ANO3: variants seen among roughly 807,000 people sequenced by gnomAD.
The protein encoded by ANO3 is anoctamin 3.
Under a neutral mutation model 144.8 loss-of-function variants are expected in ANO3, and 99 were observed. That is an observed-to-expected ratio of 0.68 (90% CI 0.58 to 0.81). The LOEUF is 0.81. ANO3 is among the 30% of genes least tolerant of loss of function. The probability of loss-of-function intolerance (pLI) is 0.00; values close to 1 mark genes in which losing one functional copy is unlikely to be tolerated. For synonymous variants in ANO3, 414 were observed against 392.6 expected (o/e 1.05, Z -0.64); for missense variants, 905 against 1,202.2 (o/e 0.75, Z 3.66).
At chr11:26,398,200 C>A (rs1857065813) in intron 1 of ANO3, among the ~76,000 whole-genome samples, 1 of 151,930 alleles carries the variant, frequency 6.6e-6, no homozygotes, top group African/African-American at 2.4e-5. Flanking sequence ...ACTCATGGTC[C>A]ATTTGATTTT....
chr11:26,449,617 G>A (rs1197384719), intron 3 of ANO3, among the ~76,000 whole-genome samples: 3 of 151,920 alleles, frequency 2.0e-5, no homozygotes, highest in Non-Finnish European at 2.9e-5. Context: ...CTAGTTATGA[G>A]TTAGTGCTTT....
chr11:26,660,439 C>G lies in ANO3; in HGVS notation c.2941C>G (p.Pro981Ala). ...TGGTCAGCCTGTTCACCATGAATGG[C>G]CTTAGTTGACACCTGTTACCCATTA... The part of the protein sequence containing the change: ...KSGQPVHHEW[P>A] Residue 981 changes from proline to alanine, a missense_variant, in exon 27 of 27, where the codon CCT becomes GCT. Physicochemically the swap from Pro to Ala is conservative, Grantham distance 27. This residue lies in a region of ANO3 where 597 missense variants were observed against 865.1 expected (regional missense o/e 0.69). Transcript: ENST00000256737. 6.2e-7 allele frequency: 1 copy of G among 1,610,870 alleles called. No individual in the cohort carries two copies.
intron 3 of ANO3, among the ~76,000 whole-genome samples, chr11:26,446,414 T>A (rs993007778): frequency 2.0e-5 from 3 of 152,152 alleles, no homozygotes; most frequent in Admixed American, 1.3e-4. Flanking sequence ...AGTTAACCAC[T>A]TTGAGCTGCC....
chr11:26,638,500 G>A (rs1401657801), intron 20 of ANO3, among the ~76,000 whole-genome samples: 1 of 152,212 alleles, frequency 6.6e-6, no homozygotes, highest in Non-Finnish European at 1.5e-5. Context: ...GTTCAGACCA[G>A]AGGAGACTGG....
At chr11:26,441,352 T>C (rs975132389) in intron 1 of ANO3, among the ~76,000 whole-genome samples, 4 of 151,216 alleles carry the variant, frequency 2.6e-5, no homozygotes, top group Admixed American at 6.6e-5. Flanking sequence ...CTCCTGACCT[T>C]GTGATCCGCC....
rs561680314 is a variant in ANO3, at chr11:26,535,311, A to G, written c.976+749A>G. ...GCTACAACATGTATAATACAAAATAAACTTGAGAATGTTTCACCTAGAAAA... is the reference window on the plus strand; with the variant it reads ...GCTACAACATGTATAATACAAAATAGACTTGAGAATGTTTCACCTAGAAAA... On this transcript the variant is annotated intron_variant, in intron 9 of 26. Transcript: ENST00000256737. Among the ~76,000 whole-genome samples the G allele has an allele frequency of 2.0e-5, 3 of 152,346 alleles. No homozygotes were observed. In the South Asian group the frequency reaches 6.2e-4, roughly 32 times the overall value.
intron 21 of ANO3, 77 bp from the exon 22 acceptor site, chr11:26,641,819 T>C (rs1042462414): frequency 2.2e-6 from 3 of 1,377,016 alleles, no homozygotes; most frequent in Non-Finnish European, 2.9e-6. Flanking sequence ...GTTTTACTCA[T>C]TTCTTAATTC....
At position 26,662,252 on chromosome 11, in the gene ANO3, T is replaced by A. The variant is rs1355907561; in HGVS notation, c.*1808T>A. 2 of 152,054 alleles carry A rather than the reference T, an allele frequency of 1.3e-5. No individual in the cohort carries two copies. Among genetic ancestry groups the A allele is most frequent in the African/African-American group, 4.8e-5 (2 of 41,416 alleles). The allele number at this position is 152,054 out of a possible 1,614,324, so 9.4% of individuals were successfully genotyped here. A position where few individuals can be genotyped will look rare whatever the true frequency, so the allele number is the denominator to read the frequency against. ...GAGCAAAGGGCCTCAGACTCTGAACTTCCCTCAAGTGCCGTTGTTATGTGA... is the reference window on the plus strand; with the variant it reads ...GAGCAAAGGGCCTCAGACTCTGAACATCCCTCAAGTGCCGTTGTTATGTGA... On this transcript the variant is annotated 3_prime_UTR_variant, in exon 27 of 27. Coordinates refer to ENST00000256737, the MANE Select transcript of ANO3 (RefSeq NM_031418.4).
intron 20 of ANO3, among the ~76,000 whole-genome samples, chr11:26,637,169 C>A (rs1046462229): frequency 2.6e-5 from 4 of 152,162 alleles, no homozygotes; most frequent in African/African-American, 4.8e-5. Context: ...AACTATTGGA[C>A]CCCCTTCTCT....
chr11:26,240,216 T>C (rs867310322), intron 1 of ANO3, among the ~76,000 whole-genome samples: 1 of 152,308 alleles, frequency 6.6e-6, no homozygotes, highest in South Asian at 2.1e-4. Flanking sequence ...TATAAGACAA[T>C]AAAGGTTATT....
At chr11:26,287,163 C>T (rs968868259) in intron 1 of ANO3, among the ~76,000 whole-genome samples, 7 of 152,160 alleles carry the variant, frequency 4.6e-5, no homozygotes, top group Non-Finnish European at 8.8e-5. Flanking sequence ...TTCTGTTAGA[C>T]TAGACTATCT....
chr11:26,414,757 T>TAAA lies in ANO3; in HGVS notation c.47-27161_47-27160insAAA, dbSNP rs763202737. Among the ~76,000 whole-genome samples the TAAA allele has an allele frequency of 1.7e-3, 132 of 79,608 alleles. 2 individuals carry two copies. The highest frequency in any genetic ancestry group is 4.5e-3 in the African/African-American group (125 of 27,570). The allele number at this position is 79,608 out of a possible 152,430, so 52.2% of individuals were successfully genotyped here. ...ATGTATACAGGAACTTACAGTAAAG[T>TAAA]TAAAAAAAAAAAAAAAAAGAAAGAA... On this transcript the variant is annotated intron_variant, in intron 1 of 26. Transcript: ENST00000256737.
rs571844019 is a variant in ANO3 at position 26,410,686 on chromosome 11, G to A, written c.47-31232G>A. Among the ~76,000 whole-genome samples the A allele has an allele frequency of 2.8e-4, 43 of 152,080 alleles. No individual in the cohort carries two copies. The South Asian group carries it at 8.3e-3, about 29-fold the overall frequency. ...CAAAGTATTTTACAATTATCTGGAGGGCAGAACAAAGACTAGTGTGGGGAA... is the reference window on the plus strand; with the variant it reads ...CAAAGTATTTTACAATTATCTGGAGAGCAGAACAAAGACTAGTGTGGGGAA... On this transcript the variant is annotated intron_variant, in intron 1 of 26. Coordinates refer to ENST00000256737, the MANE Select transcript of ANO3 (RefSeq NM_031418.4).
intron 24 of ANO3, among the ~76,000 whole-genome samples, chr11:26,653,026 T>A (rs75888221): frequency 0.012 from 1,811 of 152,306 alleles, 46 homozygotes; most frequent in African/African-American, 0.041. Context: ...TCTCCTCATC[T>A]CTCAGCTTTA....
At chr11:26,370,537 C>T (rs1449938842) in intron 1 of ANO3, among the ~76,000 whole-genome samples, 1 of 151,998 alleles carries the variant, frequency 6.6e-6, no homozygotes, top group African/African-American at 2.4e-5. Context: ...GTAGAGGTTG[C>T]AACAGTTTGG....
intron 1 of ANO3, among the ~76,000 whole-genome samples, chr11:26,302,162 A>G (rs1379752633): frequency 6.6e-6 from 1 of 152,094 alleles, no homozygotes; most frequent in African/African-American, 2.4e-5. Context: ...TGAGGAGAAT[A>G]GCTAATTCAT....
chr11:26,570,379 T>C (rs921451326), intron 14 of ANO3, among the ~76,000 whole-genome samples: 7 of 152,084 alleles, frequency 4.6e-5, no homozygotes, highest in African/African-American at 1.4e-4. Flanking sequence ...TATTTTTGCT[T>C]CCTTTTAAAT....
intron 13 of ANO3, 129 bp from the exon 14 acceptor site, chr11:26,559,585 TATATA>T (rs533212790): frequency 8.2e-5 from 53 of 646,366 alleles, no homozygotes; most frequent in Non-Finnish European, 1.4e-4. Context: ...AAGGAATTCA[TATATA>T]ATATTTCTGT....
At chr11:26,268,318 T>A (rs1457696376) in intron 1 of ANO3, among the ~76,000 whole-genome samples, 3 of 152,188 alleles carry the variant, frequency 2.0e-5, no homozygotes. Flanking sequence ...TCTTTGGCAT[T>A]TTTAATACCT....
Sources: allele counts gnomAD v4.1 joint callset (sites outside exome capture counted in the v4.1 genomes callset), GRCh38; gene constraint gnomAD v4.1.1; regional missense constraint gnomAD v4.1.1; transcripts MANE v1.5; gene names NCBI Gene and HGNC (gene_info 2026-07-23, HGNC 2026-07-21).